CNTNAP2: variants seen among roughly 807,000 people sequenced by gnomAD.
CNTNAP2 encodes contactin associated protein 2.
CNTNAP2 carries 98 observed loss-of-function variants against 155.2 expected under a neutral mutation model. The observed-to-expected ratio is 0.63, with a 90% CI of 0.54 to 0.75. The LOEUF (loss-of-function observed/expected upper bound fraction) is 0.75, where lower values mean the gene tolerates loss of function less well. CNTNAP2 is among the 30% of genes least tolerant of loss of function. The pLI is 0.00. For synonymous variants in CNTNAP2, 651 were observed against 631.2 expected (o/e 1.03, Z -0.47); for missense variants, 1,727 against 1,688.1 (o/e 1.02, Z -0.40).
At chr7:148,110,519 G>T (rs1804324317) in intron 15 of CNTNAP2, among the ~76,000 whole-genome samples, 1 of 151,932 alleles carries the variant, frequency 6.6e-6, no homozygotes, top group Non-Finnish European at 1.5e-5. Context: ...TGTGACTTCA[G>T]TCTGTTACCT....
intron 3 of CNTNAP2, among the ~76,000 whole-genome samples, chr7:146,871,574 T>C (rs180750833): frequency 1.0e-3 from 153 of 151,240 alleles, no homozygotes; most frequent in African/African-American, 3.6e-3. Flanking sequence ...TAAAAAATGA[T>C]ATAGCTACAT....
chr7:146,627,902 A>G (rs1799446309), intron 1 of CNTNAP2, among the ~76,000 whole-genome samples: 1 of 152,112 alleles, frequency 6.6e-6, no homozygotes, highest in East Asian at 1.9e-4. Context: ...TTTAAGTTTC[A>G]GCTTCAATTC....
At chr7:147,531,469 A>C (rs1584795255) in intron 11 of CNTNAP2, among the ~76,000 whole-genome samples, 1 of 152,236 alleles carries the variant, frequency 6.6e-6, no homozygotes, top group Non-Finnish European at 1.5e-5. Context: ...CTGCAGGCTC[A>C]ACACCACATG....
intron 2 of CNTNAP2, among the ~76,000 whole-genome samples, chr7:146,807,042 A>C (rs2129192836): frequency 6.6e-6 from 1 of 152,336 alleles, no homozygotes; most frequent in Admixed American, 6.5e-5. Flanking sequence ...ATAAATAAAC[A>C]AAGTTCCTCA....
chr7:146,556,448 A>C (rs1342416608), intron 1 of CNTNAP2, among the ~76,000 whole-genome samples: 1 of 152,190 alleles, frequency 6.6e-6, no homozygotes, highest in African/African-American at 2.4e-5. Context: ...AACATAACGC[A>C]TGTAAATCAT....
intron 13 of CNTNAP2, among the ~76,000 whole-genome samples, chr7:147,770,919 T>C (rs1421883610): frequency 6.6e-6 from 1 of 152,042 alleles, no homozygotes; most frequent in Non-Finnish European, 1.5e-5. Context: ...AAGAAGAACA[T>C]GGAAGAAATC....
chr7:146,522,581 T>C (rs1797630762), intron 1 of CNTNAP2, among the ~76,000 whole-genome samples: 1 of 151,884 alleles, frequency 6.6e-6, no homozygotes, highest in South Asian at 2.1e-4. Flanking sequence ...ATAGAAATAC[T>C]GAGGTAAAGG....
Position 147,414,941 on chromosome 7 carries a change from C to CAAAAAAAAAAAAA in CNTNAP2, c.1670+19171_1670+19183dup, listed in dbSNP as rs67048724. 4.9e-4 allele frequency among the ~76,000 whole-genome samples: 25 copies of CAAAAAAAAAAAAA among 50,916 alleles called. 1 individual carries two copies. Among genetic ancestry groups the CAAAAAAAAAAAAA allele is most frequent in the African/African-American group, 1.3e-3 (20 of 15,130 alleles). 33.4% of individuals were successfully genotyped at this position (50,916 alleles called of 152,430 possible). On this transcript the variant is annotated intron_variant, in intron 10 of 23. Transcript: ENST00000361727. ...TGGGTGAAAGAGAGAGACTCCTTCT[C>CAAAAAAAAAAAAA]AAAAAAAAAAAAAAAAAAAAAAGAA...
intron 10 of CNTNAP2, among the ~76,000 whole-genome samples, chr7:147,480,441 T>C (rs149604769): frequency 3.3e-4 from 51 of 152,276 alleles, no homozygotes; most frequent in Middle Eastern, 6.8e-3. Context: ...ATGGGGAAAG[T>C]CTTAGCTGAC....
intron 14 of CNTNAP2, among the ~76,000 whole-genome samples, chr7:147,971,230 C>A (rs1801328971): frequency 1.3e-5 from 2 of 152,118 alleles, no homozygotes; most frequent in Admixed American, 6.6e-5. Flanking sequence ...ACTTGTCAGA[C>A]CTTATTGCCA....
intron 3 of CNTNAP2, among the ~76,000 whole-genome samples, chr7:146,961,740 A>C (rs552091342): frequency 7.2e-4 from 109 of 152,290 alleles, no homozygotes; most frequent in African/African-American, 2.4e-3. Flanking sequence ...TGCCAGAAAT[A>C]GGGAAATGTA....
At chr7:147,674,515 G>A (rs540356859) in intron 13 of CNTNAP2, among the ~76,000 whole-genome samples, 56 of 152,140 alleles carry the variant, frequency 3.7e-4, no homozygotes, top group African/African-American at 1.0e-3. Context: ...AAAAATGAGC[G>A]TATAAAAATA....
intron 1 of CNTNAP2, among the ~76,000 whole-genome samples, chr7:146,678,758 C>G (rs990620390): frequency 1.3e-5 from 2 of 152,100 alleles, no homozygotes; most frequent in Non-Finnish European, 2.9e-5. Context: ...TTCTTTCCTC[C>G]TTTTGTATAG....
At chr7:147,352,181 A>G (rs771142809) in intron 9 of CNTNAP2, among the ~76,000 whole-genome samples, 12 of 151,972 alleles carry the variant, frequency 7.9e-5, no homozygotes, top group Non-Finnish European at 1.3e-4. Flanking sequence ...AAATATGTAT[A>G]TAATTTATAA....
intron 3 of CNTNAP2, among the ~76,000 whole-genome samples, chr7:146,843,348 T>A (rs28444409): frequency 0.035 from 5,261 of 151,428 alleles, 316 homozygotes; most frequent in African/African-American, 0.12. Context: ...TCTCCTGGGA[T>A]TTCACTCACT....
chr7:147,978,003 G>A lies in CNTNAP2; in HGVS notation c.2383+14G>A, dbSNP rs775877233. On this transcript the variant is annotated intron_variant, in intron 15 of 23. Coordinates refer to ENST00000361727, the MANE Select transcript of CNTNAP2 (RefSeq NM_014141.6). ...GCCAAGGAGACAGTAAGTTTGCATAGCAGCTATGGCTTGCACTTTCTTATC... is the reference window on the plus strand; with the variant it reads ...GCCAAGGAGACAGTAAGTTTGCATAACAGCTATGGCTTGCACTTTCTTATC... 1.9e-6 allele frequency: 3 copies of A among 1,613,602 alleles called. No homozygotes were observed. Among genetic ancestry groups the A allele is most frequent in the Non-Finnish European group, 2.5e-6 (3 of 1,179,840 alleles).
intron 21 of CNTNAP2, among the ~76,000 whole-genome samples, chr7:148,298,403 T>C (rs1797324035): frequency 1.3e-5 from 2 of 152,208 alleles, no homozygotes; most frequent in South Asian, 4.1e-4. Flanking sequence ...GGGCAGAGCA[T>C]AGAAGATGGT....
At chr7:146,896,410 AT>A (rs578262307) in intron 3 of CNTNAP2, among the ~76,000 whole-genome samples, 65 of 150,382 alleles carry the variant, frequency 4.3e-4, no homozygotes, top group African/African-American at 1.3e-3. Context: ...CCACGTGTAC[AT>A]TTTTTTTTCT....
At chr7:146,138,586 G>T (rs1010475298) in intron 1 of CNTNAP2, among the ~76,000 whole-genome samples, 1 of 152,054 alleles carries the variant, frequency 6.6e-6, no homozygotes, top group African/African-American at 2.4e-5. Context: ...TGTAGACCTT[G>T]TAGTCCATTT....
Sources: allele counts gnomAD v4.1 joint callset (sites outside exome capture counted in the v4.1 genomes callset), GRCh38; gene constraint gnomAD v4.1.1; transcripts MANE v1.5; gene names NCBI Gene and HGNC (gene_info 2026-07-23, HGNC 2026-07-21).